The following TXNDC8 variants were observed in gnomAD, a reference collection of about 807,000 sequenced individuals.
TXNDC8 encodes thioredoxin domain containing 8.
In TXNDC8, 15 loss-of-function variants were observed where a neutral mutation model predicts 12.9. That is an observed-to-expected ratio of 1.16 (90% CI 0.78 to 1.79). The LOEUF is 1.79. Among genes scored for constraint, TXNDC8 ranks in the 40% most tolerant of loss-of-function variants. The probability of loss-of-function intolerance (pLI) is 0.00; values close to 1 mark genes in which losing one functional copy is unlikely to be tolerated. For synonymous variants in TXNDC8, 40 were observed against 35.4 expected, an observed-to-expected ratio of 1.13 and a Z score of -0.46; for missense variants, 128 against 113.2, an observed-to-expected ratio of 1.13 and a Z score of -0.59.
chr9:110,318,462 C>T (rs1224078834), intron 3 of TXNDC8, among the ~76,000 whole-genome samples: 1 of 152,092 alleles, frequency 6.6e-6, no homozygotes, highest in Non-Finnish European at 1.5e-5. Context: ...GGTGGCCAGG[C>T]GCGGTTGCTC....
Position 110,321,474 on chromosome 9 carries a change from G to A in TXNDC8, c.195+4701C>T, listed in dbSNP as rs2118805328. Among the ~76,000 whole-genome samples, 2 of 152,272 alleles carry A rather than the reference G, an allele frequency of 1.3e-5. 1 individual carries two copies. Among genetic ancestry groups the A allele is most frequent in the Middle Eastern group, 6.8e-3 (2 of 294 alleles). On this transcript the variant is annotated intron_variant, in intron 3 of 4. Transcript: ENST00000423740. ...ATGGACAAGTGGCTCTTTGCCAGATGTTTTATCAGAAATGTAAGACATTTC... is the reference window on the plus strand; with the variant it reads ...ATGGACAAGTGGCTCTTTGCCAGATATTTTATCAGAAATGTAAGACATTTC...
At chr9:110,301,953 A>C (rs1350105047), downstream of TXNDC8, among the ~76,000 whole-genome samples, 1 of 151,924 alleles carries the variant, frequency 6.6e-6, no homozygotes, top group African/African-American at 2.4e-5. Context: ...TATAGCCCAA[A>C]GAATATTTTT....
At chr9:110,327,235 A>G (rs1466386801) in intron 2 of TXNDC8, among the ~76,000 whole-genome samples, 1 of 152,078 alleles carries the variant, frequency 6.6e-6, no homozygotes, top group Non-Finnish European at 1.5e-5. Flanking sequence ...GAGTTACCAT[A>G]TTACCCCAAA....
chr9:110,322,857 G>A (rs1050182631), intron 3 of TXNDC8: 9 of 985,236 alleles, frequency 9.1e-6, no homozygotes, highest in Middle Eastern at 5.2e-4. Context: ...CACACATCAT[G>A]AGTATTTTCT....
At chr9:110,330,965 A>G (rs1839522583) in intron 2 of TXNDC8, among the ~76,000 whole-genome samples, 1 of 152,076 alleles carries the variant, frequency 6.6e-6, no homozygotes, top group Non-Finnish European at 1.5e-5. Flanking sequence ...TGTGGTTAGT[A>G]AACTTTTAGT....
intron 2 of TXNDC8, among the ~76,000 whole-genome samples, chr9:110,333,623 G>A (rs1321940908): frequency 6.6e-6 from 1 of 152,136 alleles, no homozygotes; most frequent in African/African-American, 2.4e-5. Flanking sequence ...GTTTCATTTG[G>A]AGGTGATGGA....
chr9:110,314,593 C>T (rs1370140871), intron 3 of TXNDC8, among the ~76,000 whole-genome samples: 2 of 151,754 alleles, frequency 1.3e-5, no homozygotes, highest in Admixed American at 1.3e-4. Context: ...CCACCCCGTC[C>T]GGCTAATTTT....
intron 3 of TXNDC8, among the ~76,000 whole-genome samples, chr9:110,321,722 A>AT (rs1451457099): frequency 1.1e-5 from 1 of 92,346 alleles, no homozygotes; most frequent in Non-Finnish European, 2.2e-5. Context: ...AGTCAGTTCT[A>AT]TGAAAAAAAA....
rs895206152 is a variant in TXNDC8 at position 110,311,816 on chromosome 9, GATATACT to G, written c.196-7291_196-7285del. Among the ~76,000 whole-genome samples, 141 of 140,054 alleles carry G rather than the reference GATATACT, an allele frequency of 1.0e-3. 1 individual carries two copies. The highest frequency in any genetic ancestry group is 9.0e-3 in the Middle Eastern group (2 of 222). 91.9% of individuals were successfully genotyped at this position (140,054 alleles called of 152,430 possible). ...CTATATACTATATATACTATATATG[GATATACT>G]ATATACTATATATATACTATATATG... On this transcript the variant is annotated intron_variant, in intron 3 of 4. Coordinates refer to ENST00000423740, the MANE Select transcript of TXNDC8 (RefSeq NM_001286946.2).
Position 110,330,017 on chromosome 9 carries a change from T to A in TXNDC8, c.130-3777A>T, listed in dbSNP as rs1839488931. Among the ~76,000 whole-genome samples the A allele has an allele frequency of 9.2e-5, 14 of 152,228 alleles. No homozygotes were observed. The South Asian group carries it at 2.7e-3, about 29-fold the overall frequency. ...GTGACCATGGTGCTGGTAGTGGGTC[T>A]AGGGGAAGAGGAAGTGGCAGCAGCC... On this transcript the variant is annotated intron_variant, in intron 2 of 4. Coordinates refer to ENST00000423740, the MANE Select transcript of TXNDC8 (RefSeq NM_001286946.2).
In TXNDC8 at chr9:110,320,986, C is replaced by A. The variant is rs182213571; in HGVS notation, c.195+5189G>T. 7.5e-3 allele frequency among the ~76,000 whole-genome samples: 1,138 copies of A among 152,294 alleles called. 9 individuals carry two copies. The highest frequency in any genetic ancestry group is 0.013 in the Non-Finnish European group (895 of 68,028). ...CTTCAGCCACTGCTTATATTGCATC[C>A]CTGCCAGATGTTCATTCAATCTCTG... On this transcript the variant is annotated intron_variant, in intron 3 of 4. Coordinates refer to ENST00000423740, the MANE Select transcript of TXNDC8 (RefSeq NM_001286946.2).
chr9:110,301,973 T>TTATC (rs1242960813), downstream of TXNDC8, among the ~76,000 whole-genome samples: 2 of 151,872 alleles, frequency 1.3e-5, no homozygotes, highest in Non-Finnish European at 2.9e-5. Flanking sequence ...TTATTTTTAT[T>TTATC]TATCTATTTA....
At chr9:110,321,604 G>A (rs1839095942) in intron 3 of TXNDC8, among the ~76,000 whole-genome samples, 1 of 151,910 alleles carries the variant, frequency 6.6e-6, no homozygotes, top group South Asian at 2.1e-4. Flanking sequence ...CAGTTGCGCT[G>A]TCCCAGATAA....
chr9:110,310,240 A>G (rs994623131), intron 3 of TXNDC8, among the ~76,000 whole-genome samples: 2 of 151,782 alleles, frequency 1.3e-5, no homozygotes, highest in Admixed American at 6.6e-5. Flanking sequence ...TGTATATTGG[A>G]AAGGCCTTTA....
intron 2 of TXNDC8, among the ~76,000 whole-genome samples, chr9:110,326,883 C>G (rs1053734684): frequency 6.6e-6 from 1 of 151,226 alleles, no homozygotes; most frequent in Admixed American, 6.6e-5. Context: ...AACAGGACAT[C>G]TCTCTCTAAT....
At position 110,337,783 on chromosome 9, in the gene TXNDC8, A is replaced by G; in HGVS notation, c.14T>C (p.Ile5Thr). The G allele has an allele frequency of 6.2e-7, 1 of 1,614,016 alleles. No individual in the cohort carries two copies. Among genetic ancestry groups the G allele is most frequent in the Non-Finnish European group, 8.5e-7 (1 of 1,179,924 alleles). Reference sequence around the variant, plus strand: ...CAAATAAATACTTGCCGTGTCTTTAATAATCTGTACCATGATTACACCAGG... The same window carrying G: ...CAAATAAATACTTGCCGTGTCTTTAGTAATCTGTACCATGATTACACCAGG... The change falls in exon 1 of 5, where the codon ATT becomes ACT. Residue 5 changes from isoleucine to threonine, a missense_variant. Transcript: ENST00000423740.
intron 3 of TXNDC8, among the ~76,000 whole-genome samples, chr9:110,320,848 G>A (rs56217481): frequency 0.087 from 13,292 of 152,216 alleles, 1,177 homozygotes; most frequent in East Asian, 0.45. Flanking sequence ...CCTGAAACAT[G>A]GTGTGATGTC....
At chr9:110,334,359 CT>C in intron 1 of TXNDC8, 39 bp from the exon 2 acceptor site, 1 of 1,519,718 alleles carries the variant, frequency 6.6e-7, no homozygotes. Context: ...TGCATAATCA[CT>C]GAATCTCATG....
intron 3 of TXNDC8, among the ~76,000 whole-genome samples, chr9:110,318,694 T>A (rs1196855652): frequency 6.6e-6 from 1 of 151,490 alleles, no homozygotes; most frequent in Non-Finnish European, 1.5e-5. Context: ...GCTGAGATAG[T>A]GCCACTGCCC....
Sources: gnomAD v4.1 joint callset for allele counts (sites outside exome capture counted in the v4.1 genomes callset) on GRCh38, gnomAD v4.1.1 for gene constraint, MANE v1.5 for transcripts, NCBI Gene and HGNC (gene_info 2026-07-23, HGNC 2026-07-21) for gene names.